The following SLC44A1 variants were observed in gnomAD, a reference collection of about 807,000 sequenced individuals.
SLC44A1 encodes the protein solute carrier family 44 member 1, also known as choline transporter-like protein 1.
A neutral mutation model predicts 79.3 loss-of-function variants in SLC44A1; 26 were observed. That is an observed-to-expected ratio of 0.33 (90% CI 0.24 to 0.46). The LOEUF (loss-of-function observed/expected upper bound fraction) is 0.46, where lower values mean the gene tolerates loss of function less well. SLC44A1 is among the 20% of genes least tolerant of loss of function. The probability of loss-of-function intolerance (pLI) is 1.00; values close to 1 mark genes in which losing one functional copy is unlikely to be tolerated. For synonymous variants in SLC44A1, 263 were observed against 286.2 expected, an observed-to-expected ratio of 0.92 and a Z score of 0.82; for missense variants, 688 against 798.1, an observed-to-expected ratio of 0.86 and a Z score of 1.66.
rs41296089 is a variant in SLC44A1, at chr9:105,393,417, G to C, written c.*4361G>C. On this transcript the variant is annotated 3_prime_UTR_variant, in exon 16 of 16. Transcript: ENST00000374720. ...AAAAACAAAACAAAAATTACACGTC[G>C]TGTACAGTTATGAATTTAGAATAGC... The C allele has an allele frequency of 1.0e-6, 1 of 985,178 alleles. No individual in the cohort carries two copies. The allele number at this position is 985,178 out of a possible 1,614,324, so 61.0% of individuals were successfully genotyped here. A position where few individuals can be genotyped will look rare whatever the true frequency, so the allele number is the denominator to read the frequency against.
intron 1 of SLC44A1, among the ~76,000 whole-genome samples, chr9:105,258,420 G>A (rs1829761155): frequency 1.3e-5 from 2 of 152,228 alleles, no homozygotes; most frequent in Non-Finnish European, 1.5e-5. Flanking sequence ...TTTACATGCA[G>A]TTCTCATTTT....
In SLC44A1 at chr9:105,389,059, C is replaced by G. The variant is rs1170517112; in HGVS notation, c.*3C>G. The G allele has an allele frequency of 6.2e-7, 1 of 1,613,032 alleles. No homozygotes were observed. Among genetic ancestry groups the G allele is most frequent in the African/African-American group, 1.3e-5 (1 of 74,860 alleles). Reference sequence around the variant, plus strand: ...CTTCGGGAGCAAGTTCTGCTTGAACCTAGCCGACGGTTATGGAAACCCATT... The same window carrying G: ...CTTCGGGAGCAAGTTCTGCTTGAACGTAGCCGACGGTTATGGAAACCCATT... On this transcript the variant is annotated 3_prime_UTR_variant, in exon 16 of 16. Coordinates refer to ENST00000374720, the MANE Select transcript of SLC44A1 (RefSeq NM_080546.5).
intron 1 of SLC44A1, among the ~76,000 whole-genome samples, chr9:105,250,076 A>G (rs907602815): frequency 2.6e-5 from 4 of 151,338 alleles, no homozygotes; most frequent in Non-Finnish European, 5.9e-5. Flanking sequence ...GGATCCCACT[A>G]TGTTGCCTAG....
chr9:105,260,604 T>G (rs2131211152), intron 1 of SLC44A1, among the ~76,000 whole-genome samples: 1 of 152,344 alleles, frequency 6.6e-6, no homozygotes, highest in African/African-American at 2.4e-5. Context: ...ATATTATAAC[T>G]TAAAACCCTT....
chr9:105,358,668 A>C (rs1262765380), intron 7 of SLC44A1, among the ~76,000 whole-genome samples: 2 of 152,128 alleles, frequency 1.3e-5, no homozygotes, highest in African/African-American at 4.8e-5. Context: ...ATATGCAGTT[A>C]AATTTTACCA....
chr9:105,334,716 T>A (rs1394229777), intron 3 of SLC44A1, among the ~76,000 whole-genome samples: 1 of 152,236 alleles, frequency 6.6e-6, no homozygotes, highest in African/African-American at 2.4e-5. Context: ...AATGTTAGCA[T>A]CTACAATCTT....
Position 105,244,760 on chromosome 9 carries a change from G to A in SLC44A1, c.-109G>A. ...CTGCAGCCGCCGCCGCCGCCTAGCC[G>A]TGCGGTGCCAGGCCGCGCCCTCCCC... On this transcript the variant is annotated 5_prime_UTR_variant, in exon 1 of 16. It adds an upstream start codon to the 5' untranslated region. Coordinates refer to ENST00000374720, the MANE Select transcript of SLC44A1 (RefSeq NM_080546.5). 1 of 525,242 alleles carries A rather than the reference G, an allele frequency of 1.9e-6. No individual in the cohort carries two copies. Among genetic ancestry groups the A allele is most frequent in the Non-Finnish European group, 2.7e-6 (1 of 370,372 alleles). 32.5% of individuals were successfully genotyped at this position (525,242 alleles called of 1,614,324 possible). A position where few individuals can be genotyped will look rare whatever the true frequency, so the allele number is the denominator to read the frequency against.
chr9:105,274,229 C>T lies in SLC44A1; in HGVS notation c.37-24991C>T, dbSNP rs552202566. Among the ~76,000 whole-genome samples, 47 of 152,290 alleles carry T rather than the reference C, an allele frequency of 3.1e-4. 1 individual carries two copies. The South Asian group carries it at 9.3e-3, about 30-fold the overall frequency. ...AAGCAATATGAAGCTACTCCTTTTCCGCTTTGATTCTATTTTGCAATATAT... is the reference window on the plus strand; with the variant it reads ...AAGCAATATGAAGCTACTCCTTTTCTGCTTTGATTCTATTTTGCAATATAT... On this transcript the variant is annotated intron_variant, in intron 1 of 15. Coordinates refer to ENST00000374720, the MANE Select transcript of SLC44A1 (RefSeq NM_080546.5).
In SLC44A1 at chr9:105,389,306, C is replaced by T; in HGVS notation, c.*250C>T. 8.4e-7 allele frequency: 1 copy of T among 1,188,544 alleles called. No individual in the cohort carries two copies. Among genetic ancestry groups the T allele is most frequent in the Non-Finnish European group, 1.0e-6 (1 of 959,548 alleles). 73.6% of individuals were successfully genotyped at this position (1,188,544 alleles called of 1,614,324 possible). The stretch of plus-strand genomic sequence containing the variant: ...GTGGCTTTTACAAGGCAACTTCCGT[C>T]ATTTAATGTTTTCAACTGTAATTGT... On this transcript the variant is annotated 3_prime_UTR_variant, in exon 16 of 16. Transcript: ENST00000374720.
chr9:105,351,351 T>C (rs1320326209), intron 5 of SLC44A1, among the ~76,000 whole-genome samples: 5 of 152,040 alleles, frequency 3.3e-5, no homozygotes, highest in Non-Finnish European at 7.4e-5. Flanking sequence ...CTGGCCAACA[T>C]GGTGGAACCT....
intron 13 of SLC44A1, among the ~76,000 whole-genome samples, chr9:105,381,338 G>A (rs980429549): frequency 1.1e-4 from 17 of 151,634 alleles, no homozygotes; most frequent in East Asian, 3.9e-4. Flanking sequence ...TCAGGAGATC[G>A]AGACCAGCCT....
chr9:105,410,946 ATT>A (rs1309882105), intron 15 of SLC44A1, among the ~76,000 whole-genome samples: 1 of 152,240 alleles, frequency 6.6e-6, no homozygotes, highest in Admixed American at 6.5e-5. Flanking sequence ...ATGGCCACAT[ATT>A]GTATGATTCC....
intron 1 of SLC44A1, among the ~76,000 whole-genome samples, chr9:105,298,288 AT>A (rs965015666): frequency 3.3e-5 from 5 of 151,464 alleles, no homozygotes; most frequent in African/African-American, 9.7e-5. Flanking sequence ...TAGAAACTGA[AT>A]TTTTTTTTGA....
intron 15 of SLC44A1, among the ~76,000 whole-genome samples, chr9:105,425,413 A>G (rs1039830059): frequency 1.3e-5 from 2 of 152,230 alleles, no homozygotes; most frequent in Admixed American, 6.5e-5. Flanking sequence ...AGAGAAAATA[A>G]TAGAGGTACA....
In SLC44A1 at chr9:105,383,327, G is replaced by C. The variant is rs773786890; in HGVS notation, c.1837G>C (p.Gly613Arg). 8 of 1,611,564 alleles carry C rather than the reference G, an allele frequency of 5.0e-6. No individual in the cohort carries two copies. The highest frequency in any genetic ancestry group is 6.8e-6 in the Non-Finnish European group (8 of 1,177,648). Residue 613 changes from glycine (G) to arginine (R), a missense_variant, in exon 14 of 16, where the codon GGC becomes CGC. Physicochemically the swap from Gly to Arg is moderately radical, Grantham distance 125. Coordinates refer to ENST00000374720, the MANE Select transcript of SLC44A1 (RefSeq NM_080546.5). The part of the protein sequence containing the change: ...IDTKYNDGSP[G>R]REFYMDKVLM... Reference sequence around the variant, plus strand: ...TACAAAATACAATGATGGGAGCCCTGGCAGAGAATTCTATATGGATAAAGT... The same window carrying C: ...TACAAAATACAATGATGGGAGCCCTCGCAGAGAATTCTATATGGATAAAGT...
At chr9:105,303,833 G>T (rs1830945730) in intron 2 of SLC44A1, among the ~76,000 whole-genome samples, 1 of 152,182 alleles carries the variant, frequency 6.6e-6, no homozygotes, top group Non-Finnish European at 1.5e-5. Context: ...AGTATCTCAG[G>T]CTCTGACCAA....
chr9:105,244,983 AT>A, intron 1 of SLC44A1, 79 bp downstream of exon 1: 1 of 471,742 alleles, frequency 2.1e-6, no homozygotes, highest in East Asian at 1.8e-4. Context: ...CCGCCGCCCG[AT>A]ACCTCTCGCT....
At chr9:105,323,311 A>G (rs572183330) in intron 3 of SLC44A1, among the ~76,000 whole-genome samples, 2 of 152,248 alleles carry the variant, frequency 1.3e-5, no homozygotes, top group South Asian at 2.1e-4. Flanking sequence ...AAGCAATACA[A>G]TGGGAACAAC....
chr9:105,429,004 G>A (rs560268486), intron 15 of SLC44A1, among the ~76,000 whole-genome samples: 4 of 152,240 alleles, frequency 2.6e-5, no homozygotes, highest in African/African-American at 7.2e-5. Context: ...ACACCCGGCC[G>A]GTTATTCATA....
Sources: allele counts gnomAD v4.1 joint callset (sites outside exome capture counted in the v4.1 genomes callset), GRCh38; gene constraint gnomAD v4.1.1; transcripts MANE v1.5; gene names NCBI Gene and HGNC (gene_info 2026-07-23, HGNC 2026-07-21).